The following ZNF423 variants were observed in gnomAD, a reference collection of about 807,000 sequenced individuals.
The protein encoded by ZNF423 is Ebf-associated zinc finger protein.
Under a neutral mutation model 95.8 loss-of-function variants are expected in ZNF423, and 12 were observed. The ratio of observed to expected loss-of-function variants is 0.13; its 90% CI spans 0.08 to 0.20. The LOEUF is 0.20. Ranked by LOEUF, ZNF423 falls within the 10% of genes least tolerant of loss-of-function variation. ZNF423 has a pLI of 1.00. For synonymous variants in ZNF423, 749 were observed against 711.9 expected, an observed-to-expected ratio of 1.05 and a Z score of -0.83; for missense variants, 1,316 against 1,737.1, an observed-to-expected ratio of 0.76 and a Z score of 4.31.
chr16:49,771,480 C>T (rs1362497064), intron 2 of ZNF423, among the ~76,000 whole-genome samples: 8 of 152,096 alleles, frequency 5.3e-5, no homozygotes, highest in Admixed American at 2.6e-4. Context: ...GCTGGGATTA[C>T]GGGCATGAGC....
intron 1 of ZNF423, chr16:49,847,642 G>A (rs923548074): frequency 7.5e-6 from 1 of 132,816 alleles, no homozygotes; most frequent in African/African-American, 2.9e-5. Context: ...CCGAGAGAAT[G>A]GCCTCATCTT....
rs1249326384 is a variant in ZNF423, at chr16:49,594,005, A to T, written c.3601+32165T>A. On this transcript the variant is annotated intron_variant, in intron 5 of 7. Transcript: ENST00000563137. ...AGAACAGGAGGAAATGTTGTCCTAG[A>T]TTACTGGGGATGGACCAAGTCAGGA... Among the ~76,000 whole-genome samples, 6 of 152,204 alleles carry T rather than the reference A, an allele frequency of 3.9e-5. No individual in the cohort carries two copies. In the Middle Eastern group the frequency reaches 0.01, roughly 259 times the overall value.
At chr16:49,569,160 G>A (rs543601708) in intron 5 of ZNF423, among the ~76,000 whole-genome samples, 11 of 152,238 alleles carry the variant, frequency 7.2e-5, no homozygotes, top group African/African-American at 2.4e-4. Flanking sequence ...TCTTCAGGCC[G>A]CTATCTTTTC....
intron 3 of ZNF423, among the ~76,000 whole-genome samples, chr16:49,650,216 A>C (rs1231554302): frequency 1.3e-5 from 2 of 152,184 alleles, no homozygotes; most frequent in African/African-American, 4.8e-5. Flanking sequence ...AGCTTGAAGA[A>C]ACTCAGTCAA....
intron 5 of ZNF423, among the ~76,000 whole-genome samples, chr16:49,558,716 G>C (rs1403259296): frequency 6.6e-6 from 1 of 152,162 alleles, no homozygotes; most frequent in African/African-American, 2.4e-5. Context: ...GAAATCAGCA[G>C]GAATTGCACA....
upstream of ZNF423, among the ~76,000 whole-genome samples, chr16:49,858,149 A>AG (rs1372145626): frequency 3.3e-5 from 5 of 151,776 alleles, no homozygotes; most frequent in Non-Finnish European, 7.4e-5. The surrounding 1 kb of genome is among the most constrained non-coding windows in gnomAD (Gnocchi z 4.3). Flanking sequence ...TGGAGAGGGG[A>AG]GGGCTACGTC....
chr16:49,814,282 G>C (rs1009821704), intron 1 of ZNF423, among the ~76,000 whole-genome samples: 118 of 152,184 alleles, frequency 7.8e-4, no homozygotes, highest in Admixed American at 1.2e-3. Context: ...TGGGCTCTGG[G>C]GGGTGGGGGG....
At chr16:49,612,647 G>A (rs538566643) in intron 5 of ZNF423, among the ~76,000 whole-genome samples, 57 of 152,148 alleles carry the variant, frequency 3.7e-4, no homozygotes, top group African/African-American at 1.3e-3. Flanking sequence ...TCACACTACT[G>A]TTACTCAGCA....
chr16:49,795,358 C>G (rs932400437), intron 1 of ZNF423, among the ~76,000 whole-genome samples: 1 of 152,340 alleles, frequency 6.6e-6, no homozygotes, highest in Admixed American at 6.5e-5. Flanking sequence ...GAAGGTCACA[C>G]ATGCCAATCC....
chr16:49,541,160 G>A (rs1969232276), intron 5 of ZNF423, among the ~76,000 whole-genome samples: 1 of 152,130 alleles, frequency 6.6e-6, no homozygotes, highest in Non-Finnish European at 1.5e-5. Flanking sequence ...GAGGAAGGAT[G>A]GACCACCATC....
At chr16:49,587,244 A>G (rs1393696380) in intron 5 of ZNF423, among the ~76,000 whole-genome samples, 2 of 152,164 alleles carry the variant, frequency 1.3e-5, no homozygotes, top group African/African-American at 4.8e-5. Context: ...CCTGACAATG[A>G]CAGACAGGCC....
chr16:49,539,375 T>C (rs939499084), intron 5 of ZNF423, among the ~76,000 whole-genome samples: 2 of 152,304 alleles, frequency 1.3e-5, no homozygotes, highest in Non-Finnish European at 2.9e-5. Context: ...GGGCTGGACA[T>C]ACCCCCTCAT....
At chr16:49,656,281 CG>C (rs2029878682) in intron 3 of ZNF423, among the ~76,000 whole-genome samples, 1 of 152,108 alleles carries the variant, frequency 6.6e-6, no homozygotes, top group Admixed American at 6.6e-5. Context: ...GAGGCTGAGG[CG>C]GGTGGATCAC....
At chr16:49,719,723 T>C (rs1208685426) in intron 3 of ZNF423, among the ~76,000 whole-genome samples, 3 of 152,168 alleles carry the variant, frequency 2.0e-5, no homozygotes, top group African/African-American at 7.2e-5. Context: ...TCCGCCATGA[T>C]CGTAAGTTTC....
chr16:49,609,130 T>C (rs1335499926), intron 5 of ZNF423, among the ~76,000 whole-genome samples: 1 of 152,132 alleles, frequency 6.6e-6, no homozygotes, highest in Non-Finnish European at 1.5e-5. Flanking sequence ...CTACCACGAC[T>C]GCTCAGAGAG....
chr16:49,737,511 C>T (rs2033315051), intron 2 of ZNF423, among the ~76,000 whole-genome samples: 1 of 152,242 alleles, frequency 6.6e-6, no homozygotes, highest in Non-Finnish European at 1.5e-5. Flanking sequence ...CCACCCGCCT[C>T]GGCCTCCCGA....
intron 1 of ZNF423, among the ~76,000 whole-genome samples, chr16:49,794,068 T>C (rs1444036506): frequency 1.3e-5 from 2 of 151,960 alleles, no homozygotes; most frequent in Non-Finnish European, 2.9e-5. Context: ...ATGGGGTCTT[T>C]CTCTGTTGTC....
chr16:49,835,595 G>A (rs1221691522), intron 1 of ZNF423, among the ~76,000 whole-genome samples: 1 of 152,196 alleles, frequency 6.6e-6, no homozygotes, highest in Non-Finnish European at 1.5e-5. Flanking sequence ...ACCCCTGGCT[G>A]GGCCTGACCC....
intron 5 of ZNF423, among the ~76,000 whole-genome samples, chr16:49,546,811 T>G: frequency 6.6e-6 from 1 of 152,112 alleles, no homozygotes; most frequent in East Asian, 1.9e-4. Context: ...TCATTGAGTT[T>G]GTGACCCCTG....
Sources: gnomAD v4.1 joint callset for allele counts (sites outside exome capture counted in the v4.1 genomes callset) on GRCh38, gnomAD v4.1.1 for gene constraint, Gnocchi (gnomAD v3.1) non-coding constraint, MANE v1.5 for transcripts, NCBI Gene and HGNC (gene_info 2026-07-23, HGNC 2026-07-21) for gene names.